Variants in CACNA1G observed in about 807,000 individuals in gnomAD.
CACNA1G encodes voltage-dependent T-type calcium channel subunit alpha-1G.
Under a neutral mutation model 219.4 loss-of-function variants are expected in CACNA1G, and 67 were observed. The ratio of observed to expected loss-of-function variants is 0.31; its 90% CI spans 0.25 to 0.37. The LOEUF is 0.37. Ranked by LOEUF, CACNA1G falls within the 10% of genes least tolerant of loss-of-function variation. The pLI is 1.00. For missense variants in CACNA1G, 2,380 were observed against 3,231.4 expected (o/e 0.74, Z 6.39); for synonymous variants, 1,296 against 1,345.3 (o/e 0.96, Z 0.80).
intron 13 of CACNA1G, among the ~76,000 whole-genome samples, chr17:50,593,144 G>T (rs766823050): frequency 6.6e-6 from 1 of 152,182 alleles, no homozygotes; most frequent in Non-Finnish European, 1.5e-5. Context: ...TGTGCCTCTT[G>T]CAGGGAAGGA....
In CACNA1G at chr17:50,561,623, C is replaced by T. The variant is rs1350367936; in HGVS notation, c.164C>T (p.Ala55Val). The T allele has an allele frequency of 5.6e-6, 9 of 1,598,892 alleles. No individual in the cohort carries two copies. The highest frequency in any genetic ancestry group is 1.7e-6 in the Non-Finnish European group (2 of 1,173,838). ...GAGGCGGAGGGGCTGCCGTACCCGG[C>T]GCTGGCCCCGGTGGTTTTCTTCTAC... ...DSEAEGLPYP[A>V]LAPVVFFYLS... is the part of the protein sequence containing the mutation. The change falls in exon 1 of 38, where the codon GCG (alanine) becomes GTG (valine). Residue 55 changes from alanine (A) to valine (V), a missense_variant. Coordinates refer to ENST00000359106, the MANE Select transcript of CACNA1G (RefSeq NM_018896.5).
At chr17:50,576,933 C>T (rs538761480) in intron 8 of CACNA1G, among the ~76,000 whole-genome samples, 2 of 152,344 alleles carry the variant, frequency 1.3e-5, no homozygotes, top group African/African-American at 2.4e-5. Flanking sequence ...GTGACACTCC[C>T]AGTGTCGTGG....
intron 9 of CACNA1G, among the ~76,000 whole-genome samples, chr17:50,584,424 AGAG>A (rs993045739): frequency 2.6e-5 from 4 of 151,994 alleles, no homozygotes; most frequent in African/African-American, 4.8e-5. Context: ...GCATCCACTA[AGAG>A]GAGGGCTGGG....
chr17:50,595,560 A>G (rs1323146697), intron 14 of CACNA1G, among the ~76,000 whole-genome samples: 1 of 152,144 alleles, frequency 6.6e-6, no homozygotes, highest in African/African-American at 2.4e-5. Flanking sequence ...TGGGGATGGG[A>G]TGTGGCTCTT....
At position 50,618,197 on chromosome 17, in the gene CACNA1G, T is replaced by C. The variant is rs369902246; in HGVS notation, c.5306-25T>C. The C allele has an allele frequency of 1.2e-6, 2 of 1,612,614 alleles. No individual in the cohort carries two copies. Among genetic ancestry groups the C allele is most frequent in the African/African-American group, 2.7e-5 (2 of 74,844 alleles). On this transcript the variant is annotated intron_variant, in intron 31 of 37. Coordinates refer to ENST00000359106, the MANE Select transcript of CACNA1G (RefSeq NM_018896.5). This position sits in a 1 kb window ranked among gnomAD's most constrained non-coding sequence, Gnocchi z 5.3. ...GGGGGCTCCTGGACTAACATGGGCC[T>C]CTCCCCCTTTCCCTCCTCCCCCAGA...
rs1489559264 is a variant in CACNA1G, at chr17:50,617,004, C to A, written c.5022-434C>A. Among the ~76,000 whole-genome samples the A allele has an allele frequency of 6.6e-6, 1 of 152,082 alleles. No homozygotes were observed. Among genetic ancestry groups the A allele is most frequent in the African/African-American group, 2.4e-5 (1 of 41,396 alleles). ...TACGGGCACCCACTGCCACACGCAG[C>A]TAATTATTTTTTATTTTTATTTTTA... On this transcript the variant is annotated intron_variant, in intron 28 of 37. Transcript: ENST00000359106. The surrounding 1 kb of genome is among the most constrained non-coding windows in gnomAD (Gnocchi z 5.8).
At chr17:50,579,905 G>A (rs2145055187) in intron 9 of CACNA1G, among the ~76,000 whole-genome samples, 1 of 152,264 alleles carries the variant, frequency 6.6e-6, no homozygotes, top group African/African-American at 2.4e-5. Flanking sequence ...CGGGTCTGGA[G>A]CAGACAGTGA....
At chr17:50,602,342 C>CA (rs1201832593) in intron 19 of CACNA1G, among the ~76,000 whole-genome samples, 2 of 152,258 alleles carry the variant, frequency 1.3e-5, no homozygotes, top group African/African-American at 4.8e-5. Flanking sequence ...TGCCCTGCCC[C>CA]AGCCTGTGCC....
chr17:50,565,127 G>GCGCGCACACACACA, intron 1 of CACNA1G, among the ~76,000 whole-genome samples: 1 of 129,438 alleles, frequency 7.7e-6, no homozygotes, highest in South Asian at 2.2e-4. Flanking sequence ...ATGCGCACGC[G>GCGCGCACACACACA]CGCGCACACA....
intron 5 of CACNA1G, 96 bp downstream of exon 5, chr17:50,572,133 G>A: frequency 2.3e-6 from 3 of 1,331,540 alleles, no homozygotes; most frequent in Non-Finnish European, 3.1e-6. Context: ...TGACATATCT[G>A]TTCTAACATC....
rs781144346 is a variant in CACNA1G, at chr17:50,624,373, C to T, written c.6243C>T (p.Ser2081=). ...LPKAQSGSVL[S]VHSQPADTSY... is the part of the protein sequence containing the mutation. Reference sequence around the variant, plus strand: ...CTCCCTCCACAGGCTCCGTCTTGTCCGTTCACTCCCAGCCAGCAGATACCA... The same window carrying T: ...CTCCCTCCACAGGCTCCGTCTTGTCTGTTCACTCCCAGCCAGCAGATACCA... Residue 2081 remains serine (S), a synonymous_variant, in exon 37 of 38, where the codon TCC becomes TCT. Transcript: ENST00000359106. 6.9e-6 allele frequency: 11 copies of T among 1,584,248 alleles called. No homozygotes were observed. The highest frequency in any genetic ancestry group is 1.7e-4 in the Middle Eastern group (1 of 6,022).
At position 50,589,894 on chromosome 17, in the gene CACNA1G, T is replaced by TCTCTCTCTCTCTC. The variant is rs1555655436; in HGVS notation, c.2302-577_2302-576insCTCTCTCTCTCTC. Among the ~76,000 whole-genome samples, 126 of 138,892 alleles carry TCTCTCTCTCTCTC rather than the reference T, an allele frequency of 9.1e-4. 1 individual carries two copies. Among genetic ancestry groups the TCTCTCTCTCTCTC allele is most frequent in the African/African-American group, 3.2e-3 (113 of 35,510 alleles). 91.1% of individuals were successfully genotyped at this position (138,892 alleles called of 152,430 possible). ...TGTGTGACTGGGAATGCGTGCATTT[T>TCTCTCTCTCTCTC]TCTCTCTCTCTCTCTCTCTGTGTGT... On this transcript the variant is annotated intron_variant, in intron 9 of 37. Transcript: ENST00000359106.
chr17:50,575,444 C>G (rs1016981892), intron 7 of CACNA1G, 99 bp from the exon 8 acceptor site: 3 of 1,182,294 alleles, frequency 2.5e-6, no homozygotes, highest in African/African-American at 3.1e-5. Context: ...AATAACTGAG[C>G]GTGGCGCTTG....
At position 50,587,787 on chromosome 17, in the gene CACNA1G, C is replaced by T. The variant is rs1015800899; in HGVS notation, c.2302-2684C>T. Among the ~76,000 whole-genome samples, 65 of 151,966 alleles carry T rather than the reference C, an allele frequency of 4.3e-4. 1 individual carries two copies. Among genetic ancestry groups the T allele is most frequent in the Admixed American group, 4.6e-4 (7 of 15,232 alleles). The stretch of plus-strand genomic sequence containing the variant: ...TGCTGGCACAGCCCTTGACAAAGTT[C>T]AATGAGGCAAGCCTTATGGGACGGC... On this transcript the variant is annotated intron_variant, in intron 9 of 37. Coordinates refer to ENST00000359106, the MANE Select transcript of CACNA1G (RefSeq NM_018896.5).
In CACNA1G at chr17:50,592,089, G is replaced by T. The variant is rs60134952; in HGVS notation, c.2907G>T (p.Ala969=). The T allele has an allele frequency of 1.2e-6, 2 of 1,611,608 alleles. No homozygotes were observed. The highest frequency in any genetic ancestry group is 8.5e-7 in the Non-Finnish European group (1 of 1,178,722). The change falls in exon 13 of 38, where the codon GCG becomes GCT. Residue 969 remains alanine, a synonymous_variant. Transcript: ENST00000359106. ...LVAILVEGFQ[A]EEISKREDAS... ...CCATTCTGGTGGAGGGCTTCCAGGC[G>T]GAGGTAACCCACTGCTCTGCCCACC...
At chr17:50,619,975 A>C (rs1225154097) in intron 34 of CACNA1G, 149 bp downstream of exon 34, 1 of 774,700 alleles carries the variant, frequency 1.3e-6, no homozygotes, top group East Asian at 2.8e-5. Context: ...TGCAAGAGGC[A>C]GTCAGGGGTT....
chr17:50,608,018 G>T lies in CACNA1G; in HGVS notation c.4704G>T (p.Arg1568Ser). 1 of 1,604,392 alleles carries T rather than the reference G, an allele frequency of 6.2e-7. No homozygotes were observed. The highest frequency in any genetic ancestry group is 8.5e-7 in the Non-Finnish European group (1 of 1,175,416). ...KRLRRLEKKR[R>S]NLMLDDVIAS... Reference sequence around the variant, plus strand: ...TACGAAGACTGGAGAAAAAGAGAAGGAGTAAGGAGAAGCAGATGGCTGGTC... The same window carrying T: ...TACGAAGACTGGAGAAAAAGAGAAGTAGTAAGGAGAAGCAGATGGCTGGTC... The change falls in exon 25 of 38, where the codon AGG becomes AGT. Residue 1568 changes from arginine to serine, a missense_variant and splice_region_variant. Around this residue, in one of 17 missense-constraint regions of CACNA1G, gnomAD observed 58 missense variants for 71.3 expected, o/e 0.81. Transcript: ENST00000359106.
chr17:50,561,581 C>G lies in CACNA1G; in HGVS notation c.122C>G (p.Pro41Arg). 1 of 1,560,252 alleles carries G rather than the reference C, an allele frequency of 6.4e-7. No individual in the cohort carries two copies. The highest frequency in any genetic ancestry group is 8.7e-7 in the Non-Finnish European group (1 of 1,155,490). ...GGGCCGGGGTCAGCAGAAAAGGACC[C>G]GGGCAGCGCGGACTCCGAGGCGGAG... is the stretch of plus-strand genomic sequence containing the variant. ...RPGPGSAEKD[P>R]GSADSEAEGL... The change falls in exon 1 of 38, where the codon CCG becomes CGG. Residue 41 changes from proline to arginine, a missense_variant. Transcript: ENST00000359106.
intron 26 of CACNA1G, among the ~76,000 whole-genome samples, chr17:50,613,149 C>T (rs1008901576): frequency 6.6e-6 from 1 of 152,224 alleles, no homozygotes; most frequent in East Asian, 1.9e-4. Flanking sequence ...GCTGGAAGTT[C>T]GGGTCCAGCT....
Sources: gnomAD v4.1 joint callset for allele counts (sites outside exome capture counted in the v4.1 genomes callset) on GRCh38, gnomAD v4.1.1 for gene constraint, gnomAD v4.1.1 regional missense constraint, Gnocchi (gnomAD v3.1) non-coding constraint, MANE v1.5 for transcripts, NCBI Gene and HGNC (gene_info 2026-07-23, HGNC 2026-07-21) for gene names.